NCAPD3: variants seen among roughly 807,000 people sequenced by gnomAD.
The protein encoded by NCAPD3 is condensin-2 complex subunit D3.
NCAPD3 carries 105 observed loss-of-function variants against 182.9 expected under a neutral mutation model. The observed-to-expected ratio is 0.57, with a 90% CI of 0.49 to 0.68. NCAPD3 has a LOEUF of 0.68. Ranked by LOEUF, NCAPD3 falls within the 30% of genes least tolerant of loss-of-function variation. The pLI, the probability that NCAPD3 is intolerant of heterozygous loss-of-function variation, is 0.00. For missense variants in NCAPD3, 1,944 were observed against 1,837.0 expected (o/e 1.06, Z -1.07); for synonymous variants, 815 against 679.9 (o/e 1.20, Z -3.09).
At chr11:134,158,529 A>C in intron 29 of NCAPD3, 34 bp from the exon 30 acceptor site, 1 of 1,594,410 alleles carries the variant, frequency 6.3e-7, no homozygotes, top group Admixed American at 1.7e-5. Context: ...GTACATTCTA[A>C]TACTTTTTAA....
At position 134,158,016 on chromosome 11, in the gene NCAPD3, C is replaced by T. The variant is rs780552634; in HGVS notation, c.4086G>A (p.Val1362=). 5.0e-6 allele frequency: 8 copies of T among 1,614,050 alleles called. No homozygotes were observed. The highest frequency in any genetic ancestry group is 6.8e-6 in the Non-Finnish European group (8 of 1,180,036). ...GACTCCGATGCCTGCTCTTTGACTC[C>T]ACGGCTTTCTTGACAGAATTCAGGA... ...IAILNSVKKA[V]ESKSRHRSRS... Residue 1362 remains valine (V), a synonymous_variant, in exon 31 of 35, where the codon GTG becomes GTA. Transcript: ENST00000534548.
intron 14 of NCAPD3, 70 bp downstream of exon 14, chr11:134,194,595 T>C: frequency 8.7e-7 from 1 of 1,152,034 alleles, no homozygotes; most frequent in Non-Finnish European, 1.3e-6. Context: ...CCTAAGAGTT[T>C]AAAAAATATT....
intron 32 of NCAPD3, among the ~76,000 whole-genome samples, chr11:134,154,324 T>A (rs1943353434): frequency 6.6e-6 from 1 of 152,144 alleles, no homozygotes; most frequent in South Asian, 2.1e-4. Flanking sequence ...GCTGTGTTCC[T>A]AGGAGAGCCT....
rs1479084373 is a variant in NCAPD3 at position 134,191,149 on chromosome 11, T to C, written c.2045+1540A>G. Reference sequence around the variant, plus strand: ...TCATTTTATAATCTCCTTAAGCAGTTTCATCCACAACCTGATTCCAGGTTT... The same window carrying C: ...TCATTTTATAATCTCCTTAAGCAGTCTCATCCACAACCTGATTCCAGGTTT... On this transcript the variant is annotated intron_variant, in intron 16 of 34. Transcript: ENST00000534548. Among the ~76,000 whole-genome samples the C allele has an allele frequency of 3.3e-5, 5 of 152,216 alleles. No homozygotes were observed. The South Asian group carries it at 1.0e-3, about 32-fold the overall frequency.
intron 20 of NCAPD3, among the ~76,000 whole-genome samples, chr11:134,180,047 G>C (rs1161831394): frequency 6.6e-6 from 1 of 151,892 alleles, no homozygotes; most frequent in Non-Finnish European, 1.5e-5. Context: ...AGGAGGGGTG[G>C]GGACAAGACT....
Position 134,151,046 on chromosome 11 carries a change from C to T in NCAPD3, c.*1898G>A, listed in dbSNP as rs1943214860. On this transcript the variant is annotated 3_prime_UTR_variant, in exon 35 of 35. Coordinates refer to ENST00000534548, the MANE Select transcript of NCAPD3 (RefSeq NM_015261.3). ...AGCAGGTGTTCTCAGCCTCACATGC[C>T]CTGCCGTGCTGGACTCAGGACTGAA... 6.6e-6 allele frequency: 1 copy of T among 152,234 alleles called. No individual in the cohort carries two copies. The highest frequency in any genetic ancestry group is 6.5e-5 in the Admixed American group (1 of 15,280). The allele number at this position is 152,234 out of a possible 1,614,324, so 9.4% of individuals were successfully genotyped here.
intron 34 of NCAPD3, 31 bp from the exon 35 acceptor site, chr11:134,153,083 A>AACTC (rs1256803267): frequency 6.2e-7 from 1 of 1,611,716 alleles, no homozygotes; most frequent in African/African-American, 1.3e-5. Flanking sequence ...GTCATTCTGG[A>AACTC]ACTCAGAAAA....
In NCAPD3 at chr11:134,185,274, T is replaced by C. The variant is rs140110856; in HGVS notation, c.2237+61A>G. 1,134 of 1,428,486 alleles carry C rather than the reference T, an allele frequency of 7.9e-4. 6 individuals are homozygous for C. The African/African-American group carries it at 0.015, about 19-fold the overall frequency. The allele number at this position is 1,428,486 out of a possible 1,614,324, so 88.5% of individuals were successfully genotyped here. On this transcript the variant is annotated intron_variant, in intron 17 of 34. Coordinates refer to ENST00000534548, the MANE Select transcript of NCAPD3 (RefSeq NM_015261.3). Reference sequence around the variant, plus strand: ...CTATGAAAAAGCTCACTTCCTTAAGTCTTGGGCTTTGTTTCTAAGACTCTT... The same window carrying C: ...CTATGAAAAAGCTCACTTCCTTAAGCCTTGGGCTTTGTTTCTAAGACTCTT...
intron 27 of NCAPD3, among the ~76,000 whole-genome samples, chr11:134,167,425 G>A (rs1166783736): frequency 1.5e-5 from 2 of 134,434 alleles, no homozygotes; most frequent in African/African-American, 2.9e-5. Context: ...ATGAGCTTGG[G>A]GGAGGCGCAC....
At chr11:134,210,588 G>T in intron 3 of NCAPD3, 134 bp from the exon 4 acceptor site, 1 of 778,898 alleles carries the variant, frequency 1.3e-6, no homozygotes. Context: ...TGTAGCAAGA[G>T]TACCATTTGC....
intron 12 of NCAPD3, 66 bp from the exon 13 acceptor site, chr11:134,202,971 C>A: frequency 1.5e-6 from 2 of 1,299,394 alleles, no homozygotes; most frequent in Non-Finnish European, 2.2e-6. Flanking sequence ...ATTAGCAGGG[C>A]ATGTTACTCA....
At chr11:134,153,465 C>T (rs551492870) in intron 32 of NCAPD3, 102 bp from the exon 33 acceptor site, 2 of 1,233,706 alleles carry the variant, frequency 1.6e-6, no homozygotes, top group Non-Finnish European at 2.4e-6. Flanking sequence ...ACATCAGTGT[C>T]CCAGCGGCGG....
chr11:134,170,708 T>G (rs1312424716), intron 24 of NCAPD3, among the ~76,000 whole-genome samples: 1 of 152,150 alleles, frequency 6.6e-6, no homozygotes, highest in Non-Finnish European at 1.5e-5. Flanking sequence ...TACTGCGGAG[T>G]TTAAGCCCTA....
In NCAPD3 at chr11:134,210,316, C is replaced by T. The variant is rs1208510849; in HGVS notation, c.521G>A (p.Gly174Glu). The change falls in exon 4 of 35, where the codon GGG becomes GAG. Residue 174 changes from glycine (G) to glutamate (E), a missense_variant. Physicochemically the swap from Gly to Glu is moderately conservative, Grantham distance 98 (BLOSUM62 -2). Coordinates refer to ENST00000534548, the MANE Select transcript of NCAPD3 (RefSeq NM_015261.3). Reference protein sequence around the residue: ...EQPKSSQANPGRHRKRGKPPR... With the variant: ...EQPKSSQANPERHRKRGKPPR... ...TGGCTTTCCCCTTTTTCTATGCCTC[C>T]CGGGGTTAGCCTGAGAGCTCTTAGG... 1 of 1,614,046 alleles carries T rather than the reference C, an allele frequency of 6.2e-7. No individual in the cohort carries two copies. The highest frequency in any genetic ancestry group is 1.1e-5 in the South Asian group (1 of 91,068).
chr11:134,203,421 A>G (rs1039806945), intron 11 of NCAPD3, among the ~76,000 whole-genome samples: 35 of 152,238 alleles, frequency 2.3e-4, no homozygotes, highest in African/African-American at 8.2e-4. Flanking sequence ...GTAGCCACCA[A>G]TGTCACCTCT....
Position 134,203,642 on chromosome 11 carries a change from C to T in NCAPD3, c.1468+12G>A, listed in dbSNP as rs199868916. On this transcript the variant is annotated intron_variant, in intron 11 of 34. Coordinates refer to ENST00000534548, the MANE Select transcript of NCAPD3 (RefSeq NM_015261.3). ...AAGACCGGTTTACTGTCCCAATAGTCGCCATACTCACTGTTAATCAGGAGC... is the reference window on the plus strand; with the variant it reads ...AAGACCGGTTTACTGTCCCAATAGTTGCCATACTCACTGTTAATCAGGAGC... The T allele has an allele frequency of 4.6e-5, 74 of 1,608,700 alleles. No homozygotes were observed. Among genetic ancestry groups the T allele is most frequent in the Admixed American group, 1.2e-4 (7 of 60,010 alleles).
At chr11:134,203,115 A>G (rs758392221) in intron 12 of NCAPD3, 27 bp downstream of exon 12, 3 of 1,491,368 alleles carry the variant, frequency 2.0e-6, no homozygotes, top group Non-Finnish European at 1.9e-6. Context: ...TAATCATTCA[A>G]TATTTGAAAA....
chr11:134,187,989 G>A (rs1319313272), intron 16 of NCAPD3, among the ~76,000 whole-genome samples: 2 of 152,206 alleles, frequency 1.3e-5, no homozygotes, highest in African/African-American at 4.8e-5. Context: ...AGGTGATGAA[G>A]TTAAAACGTG....
intron 3 of NCAPD3, among the ~76,000 whole-genome samples, chr11:134,215,623 A>C (rs1217306918): frequency 6.6e-6 from 1 of 152,210 alleles, no homozygotes; most frequent in Non-Finnish European, 1.5e-5. Flanking sequence ...ATTATAGAGC[A>C]TTATTGAAAC....
Sources: allele counts gnomAD v4.1 joint callset (sites outside exome capture counted in the v4.1 genomes callset), GRCh38; gene constraint gnomAD v4.1.1; transcripts MANE v1.5; gene names NCBI Gene and HGNC (gene_info 2026-07-23, HGNC 2026-07-21).